The following MYO1E variants were observed in gnomAD, a reference collection of about 807,000 sequenced individuals.
MYO1E encodes the protein unconventional myosin-Ie.
MYO1E carries 68 observed loss-of-function variants against 151.1 expected under a neutral mutation model. The observed-to-expected ratio is 0.45, with a 90% CI of 0.37 to 0.55. MYO1E has a LOEUF of 0.55. MYO1E is among the 20% of genes least tolerant of loss of function. The pLI, the probability that MYO1E is intolerant of heterozygous loss-of-function variation, is 0.00. For synonymous variants in MYO1E, 601 were observed against 501.7 expected (o/e 1.20, Z -2.64); for missense variants, 1,363 against 1,389.3 (o/e 0.98, Z 0.30).
At chr15:59,349,034 G>A (rs1364382643) in intron 1 of MYO1E, among the ~76,000 whole-genome samples, 2 of 152,132 alleles carry the variant, frequency 1.3e-5, no homozygotes, top group Non-Finnish European at 1.5e-5. Flanking sequence ...ATGGACATAT[G>A]GAAGAGGAAG....
At chr15:59,323,858 C>T (rs1410247344) in intron 1 of MYO1E, among the ~76,000 whole-genome samples, 3 of 151,888 alleles carry the variant, frequency 2.0e-5, no homozygotes, top group Non-Finnish European at 4.4e-5. Context: ...CCCTGGGGGG[C>T]TGTCACCTTA....
chr15:59,207,756 T>C, intron 14 of MYO1E: 1 of 1,614,150 alleles, frequency 6.2e-7, no homozygotes, highest in South Asian at 1.1e-5. Flanking sequence ...CTGATAAAGA[T>C]CCTGAGCAAT....
intron 8 of MYO1E, 79 bp from the exon 9 acceptor site, chr15:59,223,270 C>A: frequency 1.9e-6 from 3 of 1,550,336 alleles, no homozygotes; most frequent in Non-Finnish European, 2.7e-6. Context: ...CAAGGCACAG[C>A]AGCTGCTCTA....
intron 26 of MYO1E, among the ~76,000 whole-genome samples, chr15:59,139,860 C>G (rs1419420872): frequency 1.3e-5 from 2 of 150,914 alleles, no homozygotes; most frequent in South Asian, 2.1e-4. Flanking sequence ...TCCCTCCCAC[C>G]CCCTCATTAT....
rs561264045 is a variant in MYO1E at position 59,292,674 on chromosome 15, T to C, written c.4-20225A>G. Among the ~76,000 whole-genome samples, 10 of 152,336 alleles carry C rather than the reference T, an allele frequency of 6.6e-5. 1 individual carries two copies. The highest frequency in any genetic ancestry group is 2.4e-4 in the African/African-American group (10 of 41,572). ...CAGAGTTAAGGTTGCTGTAGTAACCTTCACTATGAATTTCCTGACCAGTGT... is the reference window on the plus strand; with the variant it reads ...CAGAGTTAAGGTTGCTGTAGTAACCCTCACTATGAATTTCCTGACCAGTGT... On this transcript the variant is annotated intron_variant, in intron 1 of 27. Coordinates refer to ENST00000288235, the MANE Select transcript of MYO1E (RefSeq NM_004998.4).
intron 9 of MYO1E, among the ~76,000 whole-genome samples, chr15:59,221,217 G>A (rs564404212): frequency 6.6e-6 from 1 of 151,704 alleles, no homozygotes; most frequent in African/African-American, 2.4e-5. Context: ...CACCATGTTG[G>A]CCAGGCTGGT....
intron 3 of MYO1E, among the ~76,000 whole-genome samples, chr15:59,259,553 T>C (rs2080213495): frequency 6.6e-6 from 1 of 152,104 alleles, no homozygotes. Flanking sequence ...TGGTCTCAAG[T>C]GCACAAACAA....
intron 4 of MYO1E, among the ~76,000 whole-genome samples, chr15:59,237,856 A>C (rs1661540397): frequency 2.0e-5 from 3 of 152,224 alleles, no homozygotes; most frequent in Admixed American, 2.0e-4. Context: ...AAACAAATGA[A>C]CAGAGAATTG....
intron 4 of MYO1E, among the ~76,000 whole-genome samples, chr15:59,237,941 G>C (rs1596379651): frequency 6.6e-6 from 1 of 152,132 alleles, no homozygotes; most frequent in African/African-American, 2.4e-5. Context: ...AGAAATTATG[G>C]GGAGGCGGGA....
intron 1 of MYO1E, among the ~76,000 whole-genome samples, chr15:59,351,787 A>G (rs1242835836): frequency 6.6e-6 from 1 of 152,168 alleles, no homozygotes; most frequent in African/African-American, 2.4e-5. Flanking sequence ...ACAGACAAAG[A>G]CACTACTGTC....
intron 18 of MYO1E, among the ~76,000 whole-genome samples, chr15:59,184,095 G>T (rs566267778): frequency 3.3e-5 from 5 of 152,150 alleles, no homozygotes; most frequent in African/African-American, 4.8e-5. Context: ...TGCAACCTCT[G>T]CCTTGGGTTC....
At chr15:59,264,861 A>G (rs1003273210) in intron 2 of MYO1E, 4 of 152,168 alleles carry the variant, frequency 2.6e-5, no homozygotes, top group South Asian at 2.1e-4. Flanking sequence ...TCTCTACAAA[A>G]AATTTTTTTA....
At chr15:59,324,663 GC>G (rs10717159) in intron 1 of MYO1E, among the ~76,000 whole-genome samples, 120,288 of 148,078 alleles carry the variant, frequency 0.81, 49,528 homozygotes, top group Non-Finnish European at 0.89. Flanking sequence ...CCCATCCCAA[GC>G]CCCCCCCCCA....
At chr15:59,137,528 C>G (rs989069311) in intron 27 of MYO1E, 72 bp from the exon 28 acceptor site, 2 of 1,207,582 alleles carry the variant, frequency 1.7e-6, no homozygotes, top group Admixed American at 3.4e-5. Context: ...ACACTCCGCT[C>G]CCATGGGCTC....
At chr15:59,178,250 G>T in intron 19 of MYO1E, 143 bp downstream of exon 19, 1 of 1,025,856 alleles carries the variant, frequency 9.7e-7, no homozygotes, top group Non-Finnish European at 1.4e-6. Context: ...ACTTAGACCA[G>T]GAAGGGAGGG....
At chr15:59,216,954 G>A (rs1206109792) in intron 10 of MYO1E, among the ~76,000 whole-genome samples, 1 of 151,454 alleles carries the variant, frequency 6.6e-6, no homozygotes, top group African/African-American at 2.4e-5. Flanking sequence ...CACTCGCTCT[G>A]GGGAAAACCA....
chr15:59,180,736 T>C (rs2079653333), intron 18 of MYO1E, among the ~76,000 whole-genome samples: 1 of 152,118 alleles, frequency 6.6e-6, no homozygotes, highest in Non-Finnish European at 1.5e-5. Flanking sequence ...CAACAACACA[T>C]GTTCTCCTAC....
chr15:59,289,068 A>G (rs1195295587), intron 1 of MYO1E, among the ~76,000 whole-genome samples: 2 of 152,192 alleles, frequency 1.3e-5, no homozygotes, highest in East Asian at 3.8e-4. Context: ...CAAAACTTTT[A>G]CTTTACAGAT....
chr15:59,284,951 G>A (rs1356508163), intron 1 of MYO1E, among the ~76,000 whole-genome samples: 14 of 152,148 alleles, frequency 9.2e-5, no homozygotes, highest in Admixed American at 9.2e-4. Context: ...AGTGACAAGA[G>A]AGTCACACTG....
Sources: gnomAD v4.1 joint callset for allele counts (sites outside exome capture counted in the v4.1 genomes callset) on GRCh38, gnomAD v4.1.1 for gene constraint, MANE v1.5 for transcripts, NCBI Gene and HGNC (gene_info 2026-07-23, HGNC 2026-07-21) for gene names.